The following GRK4 variants were observed in gnomAD, a reference collection of about 807,000 sequenced individuals.
GRK4 encodes the protein G protein-coupled receptor kinase 2-like.
A neutral mutation model predicts 77.9 loss-of-function variants in GRK4; 73 were observed. That is an observed-to-expected ratio of 0.94 (90% CI 0.78 to 1.14). The LOEUF (loss-of-function observed/expected upper bound fraction) is 1.14. GRK4 is among the 50% of genes most tolerant of loss of function. The probability of loss-of-function intolerance (pLI) is 0.00; values close to 1 mark genes in which losing one functional copy is unlikely to be tolerated. For synonymous variants in GRK4, 257 were observed against 254.4 expected (o/e 1.01, Z -0.10); for missense variants, 729 against 700.2 (o/e 1.04, Z -0.46).
chr4:2,974,630 G>A (rs1215876251), intron 1 of GRK4, among the ~76,000 whole-genome samples: 2 of 152,240 alleles, frequency 1.3e-5, no homozygotes, highest in Admixed American at 1.3e-4. Context: ...GATCAGACAG[G>A]AGGGCTTTAT....
chr4:3,033,863 G>T (rs538818486), intron 12 of GRK4, among the ~76,000 whole-genome samples: 2 of 152,314 alleles, frequency 1.3e-5, no homozygotes, highest in South Asian at 4.1e-4. Flanking sequence ...GGGATTACGG[G>T]CATGAGCCAC....
intron 3 of GRK4, among the ~76,000 whole-genome samples, chr4:2,991,773 A>T (rs1192914184): frequency 6.6e-6 from 1 of 152,150 alleles, no homozygotes; most frequent in African/African-American, 2.4e-5. Context: ...CGGCCTCCCA[A>T]AGTGCTGTGG....
chr4:2,987,705 C>G (rs1212389660), intron 2 of GRK4, among the ~76,000 whole-genome samples: 1 of 152,082 alleles, frequency 6.6e-6, no homozygotes, highest in Non-Finnish European at 1.5e-5. Flanking sequence ...CTTTGGGAGG[C>G]TGAGGTGGGT....
intron 10 of GRK4, among the ~76,000 whole-genome samples, chr4:3,025,630 G>T (rs1737293149): frequency 6.6e-6 from 1 of 151,772 alleles, no homozygotes; most frequent in Non-Finnish European, 1.5e-5. Flanking sequence ...CTGACCTTGT[G>T]ATCCGCCCGC....
chr4:2,989,656 G>C (rs989723594), intron 3 of GRK4, among the ~76,000 whole-genome samples: 3 of 152,124 alleles, frequency 2.0e-5, no homozygotes, highest in African/African-American at 7.2e-5. Context: ...GCACTCAACT[G>C]GCCAATGCTC....
At chr4:3,002,677 T>C (rs1292439766) in intron 4 of GRK4, among the ~76,000 whole-genome samples, 1 of 152,100 alleles carries the variant, frequency 6.6e-6, no homozygotes, top group African/African-American at 2.4e-5. Flanking sequence ...CACTCCAGCC[T>C]GGACCACAGA....
intron 9 of GRK4, among the ~76,000 whole-genome samples, chr4:3,021,202 T>A (rs1735981285): frequency 6.6e-6 from 1 of 152,198 alleles, no homozygotes; most frequent in South Asian, 2.1e-4. Context: ...GGGTTTTAGC[T>A]GCTCAGGTGT....
In GRK4 at chr4:3,006,748, G is replaced by C. The variant is rs1445511224; in HGVS notation, c.444-988G>C. On this transcript the variant is annotated intron_variant, in intron 5 of 15. Transcript: ENST00000398052. ...TGACCTCACCACTACCCTCCAGCCT[G>C]GGTGACAGAGCCAGACCAAAAAAAA... 1.3e-5 allele frequency among the ~76,000 whole-genome samples: 2 copies of C among 152,218 alleles called. 1 individual carries two copies. The highest frequency in any genetic ancestry group is 4.1e-4 in the South Asian group (2 of 4,828).
rs1228435350 is a variant in GRK4, at chr4:3,035,494, A to G, written c.1378A>G (p.Asn460Asp). 1 of 1,613,970 alleles carries G rather than the reference A, an allele frequency of 6.2e-7. No individual in the cohort carries two copies. Among genetic ancestry groups the G allele is most frequent in the Admixed American group, 1.7e-5 (1 of 60,008 alleles). ...CATCAACTTCAGGAGGCTGGAGGCA[A>G]ACATGCTGGAGCCCCCTTTCTGTCC... ...KDINFRRLEA[N>D]MLEPPFCPDP... The change falls in exon 13 of 16, where the codon AAC becomes GAC. Residue 460 changes from asparagine (N) to aspartate (D), a missense_variant. Coordinates refer to ENST00000398052, the MANE Select transcript of GRK4 (RefSeq NM_182982.3).
At chr4:2,983,541 T>C (rs1205320214) in intron 1 of GRK4, among the ~76,000 whole-genome samples, 1 of 152,240 alleles carries the variant, frequency 6.6e-6, no homozygotes, top group African/African-American at 2.4e-5. Flanking sequence ...GCCAAGACTC[T>C]GCCACTCACA....
At chr4:2,979,290 G>T (rs77651402) in intron 1 of GRK4, among the ~76,000 whole-genome samples, 1,535 of 150,504 alleles carry the variant, frequency 0.01, 28 homozygotes, top group African/African-American at 0.036. Context: ...TGCAATCCCA[G>T]CTATTCTGGA....
chr4:3,028,958 G>T (rs1004360773), intron 11 of GRK4, among the ~76,000 whole-genome samples: 3 of 152,094 alleles, frequency 2.0e-5, no homozygotes, highest in Admixed American at 6.6e-5. Flanking sequence ...TTTTAGTAGA[G>T]ACAGGGTTTC....
chr4:3,030,776 C>A (rs1738938952), intron 12 of GRK4, among the ~76,000 whole-genome samples: 1 of 152,188 alleles, frequency 6.6e-6, no homozygotes, highest in Admixed American at 6.5e-5. Flanking sequence ...GAAGCCCAGG[C>A]CATGCTGAAC....
intron 1 of GRK4, among the ~76,000 whole-genome samples, chr4:2,974,903 T>C (rs1720652970): frequency 6.6e-6 from 1 of 152,162 alleles, no homozygotes. Flanking sequence ...TGGGAGTGCG[T>C]CTTGAGTTGG....
rs370669294 is a variant in GRK4, at chr4:3,037,448, C to T, written c.1482C>T (p.Thr494=). The change falls in exon 14 of 16, where the codon ACC becomes ACT. Residue 494 remains threonine, a synonymous_variant. Coordinates refer to ENST00000398052, the MANE Select transcript of GRK4 (RefSeq NM_182982.3). ...TGGTGAAAGGGATCTACCTGGACAC[C>T]GCAGATGAAGACTTCTATGCTCGGT... ...FSVVKGIYLD[T]ADEDFYARFA... 69 of 1,612,158 alleles carry T rather than the reference C, an allele frequency of 4.3e-5. No homozygotes were observed. In the African/African-American group the frequency reaches 6.7e-4, roughly 16 times the overall value.
chr4:3,030,627 G>A (rs1228778905), intron 12 of GRK4, among the ~76,000 whole-genome samples: 7 of 152,022 alleles, frequency 4.6e-5, no homozygotes, highest in Non-Finnish European at 1.0e-4. Context: ...ACTGCCTGGA[G>A]GGGCGGCAGG....
intron 8 of GRK4, among the ~76,000 whole-genome samples, chr4:3,018,516 C>T (rs1735184441): frequency 6.6e-6 from 1 of 151,884 alleles, no homozygotes; most frequent in African/African-American, 2.4e-5. Context: ...AAAAATAACT[C>T]TAGGCAAAGA....
chr4:2,992,410 T>C (rs1726493925), intron 4 of GRK4, 118 bp downstream of exon 4: 1 of 633,190 alleles, frequency 1.6e-6, no homozygotes, highest in South Asian at 1.7e-5. Flanking sequence ...CTGGGTGTGA[T>C]GCCTGACGCC....
At chr4:3,030,858 G>A (rs1738961042) in intron 12 of GRK4, among the ~76,000 whole-genome samples, 1 of 152,192 alleles carries the variant, frequency 6.6e-6, no homozygotes. Context: ...TGAAGCCATC[G>A]CAGGGCTCTG....
Sources: gnomAD v4.1 joint callset for allele counts (sites outside exome capture counted in the v4.1 genomes callset) on GRCh38, gnomAD v4.1.1 for gene constraint, MANE v1.5 for transcripts, NCBI Gene and HGNC (gene_info 2026-07-23, HGNC 2026-07-21) for gene names.